The following ATP6V1E2 variants were observed in gnomAD, a reference collection of about 807,000 sequenced individuals.
The protein encoded by ATP6V1E2 is V-type proton ATPase subunit E 2.
For missense variants in ATP6V1E2, 308 were observed against 273.3 expected, an observed-to-expected ratio of 1.13 and a Z score of -0.90; for synonymous variants, 121 against 104.2, an observed-to-expected ratio of 1.16 and a Z score of -0.98.
chr2:46,514,716 G>GA (rs955298817), intron 4 of ATP6V1E2, among the ~76,000 whole-genome samples: 1 of 152,046 alleles, frequency 6.6e-6, no homozygotes, highest in African/African-American at 2.4e-5. Context: ...AGAAGGCTGG[G>GA]AAAAAAGGAT....
At chr2:46,541,163 C>T (rs1172652789) in intron 2 of ATP6V1E2, among the ~76,000 whole-genome samples, 4 of 152,180 alleles carry the variant, frequency 2.6e-5, no homozygotes, top group African/African-American at 7.2e-5. Context: ...TGGGGCAGGC[C>T]CTGCTCTCTT....
chr2:46,520,941 G>A (rs531017391), intron 4 of ATP6V1E2, among the ~76,000 whole-genome samples: 9 of 152,108 alleles, frequency 5.9e-5, no homozygotes, highest in African/African-American at 1.7e-4. Flanking sequence ...CTGGCTTAAT[G>A]AATATTACGA....
rs1045203052 is a variant in ATP6V1E2, at chr2:46,530,443, G to A, written c.-102+5370C>T. Among the ~76,000 whole-genome samples, 2 of 152,080 alleles carry A rather than the reference G, an allele frequency of 1.3e-5. No individual in the cohort carries two copies. The highest frequency in any genetic ancestry group is 4.8e-5 in the African/African-American group (2 of 41,410). On this transcript the variant is annotated intron_variant, in intron 4 of 4. Transcript: ENST00000522587. The surrounding 1 kb of genome is among the most constrained non-coding windows in gnomAD (Gnocchi z 5.2). ...ATTCATTTCAGAGGTCAAACAGTTT[G>A]TCATTTAGGTCTTCAAACACAAAGG...
intron 4 of ATP6V1E2, among the ~76,000 whole-genome samples, chr2:46,518,012 A>G (rs1407152490): frequency 6.6e-6 from 1 of 152,226 alleles, no homozygotes; most frequent in African/African-American, 2.4e-5. Flanking sequence ...TCTGTTCAAA[A>G]GAACTGAAAA....
chr2:46,525,549 G>A (rs112979016), intron 4 of ATP6V1E2, among the ~76,000 whole-genome samples: 1 of 151,588 alleles, frequency 6.6e-6, no homozygotes, highest in Admixed American at 6.6e-5. Flanking sequence ...AGGCAAGGGC[G>A]AGAGAGTTCA....
chr2:46,520,183 C>G (rs1440069988), intron 4 of ATP6V1E2, among the ~76,000 whole-genome samples: 1 of 152,220 alleles, frequency 6.6e-6, no homozygotes, highest in African/African-American at 2.4e-5. Context: ...ATGAAGGCAG[C>G]TGCAGGGCAG....
At chr2:46,521,120 G>A (rs1666602518) in intron 4 of ATP6V1E2, among the ~76,000 whole-genome samples, 1 of 152,170 alleles carries the variant, frequency 6.6e-6, no homozygotes, top group African/African-American at 2.4e-5. Context: ...CCATTTTGCT[G>A]AGGCCGATAT....
chr2:46,516,967 A>C (rs1352771400), intron 4 of ATP6V1E2, among the ~76,000 whole-genome samples: 1 of 152,204 alleles, frequency 6.6e-6, no homozygotes, highest in Non-Finnish European at 1.5e-5. Context: ...TTTTTTGCAG[A>C]AATAGGGTGG....
intron 2 of ATP6V1E2, among the ~76,000 whole-genome samples, chr2:46,539,694 A>G (rs1231555111): frequency 6.6e-6 from 1 of 152,222 alleles, no homozygotes; most frequent in Non-Finnish European, 1.5e-5. Context: ...TGTCCACCTT[A>G]CATGCCTCAC....
At chr2:46,525,499 G>A (rs913341812) in intron 4 of ATP6V1E2, among the ~76,000 whole-genome samples, 1 of 148,672 alleles carries the variant, frequency 6.7e-6, no homozygotes, top group South Asian at 2.2e-4. Context: ...AGAAAGCAGG[G>A]ACAGGCACCC....
At chr2:46,526,437 A>G (rs1248331387) in intron 4 of ATP6V1E2, among the ~76,000 whole-genome samples, 1 of 152,194 alleles carries the variant, frequency 6.6e-6, no homozygotes, top group South Asian at 2.1e-4. Flanking sequence ...ACATTTATGT[A>G]GCATTAAGAA....
intron 4 of ATP6V1E2, among the ~76,000 whole-genome samples, chr2:46,523,678 T>C (rs1047440775): frequency 2.6e-5 from 4 of 152,220 alleles, no homozygotes; most frequent in Non-Finnish European, 4.4e-5. Flanking sequence ...GCCTCCAGCT[T>C]GGTTCTTTTT....
intron 4 of ATP6V1E2, chr2:46,527,962 C>T (rs1667005643): frequency 6.6e-6 from 1 of 152,230 alleles, no homozygotes; most frequent in Non-Finnish European, 1.5e-5. Context: ...AGCCAGTGCA[C>T]TCAGCCAGCA....
At chr2:46,519,828 T>C (rs962220398) in intron 4 of ATP6V1E2, 3 of 152,242 alleles carry the variant, frequency 2.0e-5, no homozygotes, top group Non-Finnish European at 4.4e-5. Flanking sequence ...CTCTTCATCA[T>C]AGTTGTTCTG....
intron 2 of ATP6V1E2, among the ~76,000 whole-genome samples, chr2:46,536,927 C>T (rs1200158813): frequency 1.3e-5 from 2 of 152,076 alleles, no homozygotes; most frequent in Non-Finnish European, 2.9e-5. Context: ...GGATTACAGG[C>T]ACCCGCCACC....
chr2:46,517,987 T>A (rs1666368144), intron 4 of ATP6V1E2, among the ~76,000 whole-genome samples: 1 of 152,202 alleles, frequency 6.6e-6, no homozygotes, highest in Non-Finnish European at 1.5e-5. Flanking sequence ...TACCATGTAA[T>A]CCAGCAATCC....
chr2:46,533,222 G>C (rs1667274135), intron 4 of ATP6V1E2, among the ~76,000 whole-genome samples: 2 of 150,352 alleles, frequency 1.3e-5, no homozygotes, highest in South Asian at 4.2e-4. Flanking sequence ...TAGATAGATA[G>C]ATAGATAGAT....
chr2:46,533,449 T>C lies in ATP6V1E2; in HGVS notation c.-102+2364A>G, dbSNP rs182257351. On this transcript the variant is annotated intron_variant, in intron 4 of 4. Coordinates refer to ENST00000522587, the MANE Select transcript of ATP6V1E2 (RefSeq NM_001318063.2). Reference sequence around the variant, plus strand: ...CACCACACCCAACTATATTTTTGTATTTTTTGTAGAGATGGGGTTTTGCCA... The same window carrying C: ...CACCACACCCAACTATATTTTTGTACTTTTTGTAGAGATGGGGTTTTGCCA... 2.0e-3 allele frequency among the ~76,000 whole-genome samples: 298 copies of C among 152,200 alleles called. 2 individuals are homozygous for C. Among genetic ancestry groups the C allele is most frequent in the African/African-American group, 6.8e-3 (283 of 41,514 alleles).
At chr2:46,520,370 G>T (rs1375950098) in intron 4 of ATP6V1E2, among the ~76,000 whole-genome samples, 1 of 152,234 alleles carries the variant, frequency 6.6e-6, no homozygotes, top group African/African-American at 2.4e-5. Context: ...GCACATGCCT[G>T]TCCTTATACG....
Sources: allele counts gnomAD v4.1 joint callset (sites outside exome capture counted in the v4.1 genomes callset), GRCh38; gene constraint gnomAD v4.1.1; non-coding constraint Gnocchi (gnomAD v3.1); transcripts MANE v1.5; gene names NCBI Gene and HGNC (gene_info 2026-07-23, HGNC 2026-07-21).